Variants in MYCT1 observed in about 807,000 individuals in gnomAD.
MYCT1 encodes the protein MYC target 1.
Under a neutral mutation model 15.0 loss-of-function variants are expected in MYCT1, and 12 were observed. The observed-to-expected ratio is 0.80, with a 90% CI of 0.51 to 1.29. The LOEUF (loss-of-function observed/expected upper bound fraction) is 1.29. Among genes scored for constraint, MYCT1 ranks in the 50% most tolerant of loss-of-function variants. The probability of loss-of-function intolerance (pLI) is 0.00; values close to 1 mark genes in which losing one functional copy is unlikely to be tolerated. For missense variants in MYCT1, 287 were observed against 279.1 expected (o/e 1.03, Z -0.20); for synonymous variants, 104 against 102.7 (o/e 1.01, Z -0.07).
At chr6:152,707,281 C>CACA (rs1319494958) in intron 1 of MYCT1, among the ~76,000 whole-genome samples, 1 of 151,930 alleles carries the variant, frequency 6.6e-6, no homozygotes, top group Non-Finnish European at 1.5e-5. Flanking sequence ...TTTCATCTAC[C>CACA]TATTGGTCAT....
chr6:152,745,891 A>G, the MYCT1 span, among the ~76,000 whole-genome samples: 1 of 152,038 alleles, frequency 6.6e-6, no homozygotes, highest in Non-Finnish European at 1.5e-5. Context: ...TTTCTCCATG[A>G]TTTGCTTTGT....
the MYCT1 span, among the ~76,000 whole-genome samples, chr6:152,747,064 A>G: frequency 1.3e-5 from 2 of 152,108 alleles, no homozygotes; most frequent in Non-Finnish European, 2.9e-5. Context: ...ATATGACAAG[A>G]ATACAAAATC....
chr6:152,714,487 T>C (rs952866085), intron 1 of MYCT1, among the ~76,000 whole-genome samples: 10 of 151,432 alleles, frequency 6.6e-5, no homozygotes, highest in African/African-American at 2.4e-4. Flanking sequence ...AATGTTCTTA[T>C]GAATGTGGCT....
the MYCT1 span, among the ~76,000 whole-genome samples, chr6:152,742,403 C>G: frequency 1.3e-5 from 2 of 152,228 alleles, no homozygotes; most frequent in African/African-American, 4.8e-5. Context: ...GAAAGTTGTT[C>G]CACGTGGCTG....
intron 1 of MYCT1, among the ~76,000 whole-genome samples, chr6:152,716,031 A>G (rs2099723614): frequency 6.6e-6 from 1 of 152,200 alleles, no homozygotes. Context: ...TGACTACTGC[A>G]TTGAGCACAT....
the MYCT1 span, among the ~76,000 whole-genome samples, chr6:152,733,409 G>A: frequency 1.3e-5 from 2 of 152,018 alleles, no homozygotes; most frequent in Non-Finnish European, 1.5e-5. Context: ...GGCCTTCCAC[G>A]GTTTTCTTAA....
chr6:152,747,129 C>A, the MYCT1 span, among the ~76,000 whole-genome samples: 1 of 151,578 alleles, frequency 6.6e-6, no homozygotes, highest in Non-Finnish European at 1.5e-5. Context: ...TTTATATATA[C>A]TCTAATATAG....
chr6:152,699,601 G>A (rs2099720977), intron 1 of MYCT1, among the ~76,000 whole-genome samples: 1 of 152,050 alleles, frequency 6.6e-6, no homozygotes, highest in African/African-American at 2.4e-5. Context: ...CACTGAAAAA[G>A]AGCTAGAGTC....
In MYCT1 at chr6:152,708,865, T is replaced by A. The variant is rs1234671292; in HGVS notation, c.196+10767T>A. 4.4e-4 allele frequency among the ~76,000 whole-genome samples: 7 copies of A among 16,000 alleles called. 2 individuals are homozygous for A. The highest frequency in any genetic ancestry group is 2.8e-3 in the Admixed American group (2 of 716). 10.5% of individuals were successfully genotyped at this position (16,000 alleles called of 152,430 possible). A position where few individuals can be genotyped will look rare whatever the true frequency, so the allele number is the denominator to read the frequency against. On this transcript the variant is annotated intron_variant, in intron 1 of 1. Transcript: ENST00000367245. ...GAAAGAGTATTTATTTTTTTATTTTTTTTTTTATTATACTCTAAGTTTTAG... is the reference window on the plus strand; with the variant it reads ...GAAAGAGTATTTATTTTTTTATTTTATTTTTTATTATACTCTAAGTTTTAG...
At chr6:152,738,209 T>C in the MYCT1 span, among the ~76,000 whole-genome samples, 1 of 152,158 alleles carries the variant, frequency 6.6e-6, no homozygotes, top group East Asian at 1.9e-4. Context: ...TTAACAACTA[T>C]CATAGACATA....
the MYCT1 span, among the ~76,000 whole-genome samples, chr6:152,740,886 A>T: frequency 6.6e-6 from 1 of 152,200 alleles, no homozygotes; most frequent in Non-Finnish European, 1.5e-5. Flanking sequence ...ATTAATTTTG[A>T]AAGGTCTTTA....
chr6:152,705,922 T>C, intron 1 of MYCT1: 1 of 767,468 alleles, frequency 1.3e-6, no homozygotes, highest in Middle Eastern at 2.4e-4. Flanking sequence ...TACGATGCTA[T>C]GGTCAGAGAT....
chr6:152,718,234 G>A (rs1367785963), intron 1 of MYCT1, among the ~76,000 whole-genome samples: 1 of 152,080 alleles, frequency 6.6e-6, no homozygotes, highest in African/African-American at 2.4e-5. Context: ...TAAGAAAATT[G>A]TGATGGTCCA....
chr6:152,703,644 T>C (rs931482869), intron 1 of MYCT1, among the ~76,000 whole-genome samples: 1 of 152,134 alleles, frequency 6.6e-6, no homozygotes, highest in African/African-American at 2.4e-5. Context: ...CAATGAAACA[T>C]ATAAGGTGCA....
At chr6:152,706,126 T>C (rs1279532877) in intron 1 of MYCT1, 2 of 1,499,098 alleles carry the variant, frequency 1.3e-6, no homozygotes, top group Admixed American at 3.4e-5. Flanking sequence ...TGGCATGTTC[T>C]AACTCCTAGA....
the MYCT1 span, among the ~76,000 whole-genome samples, chr6:152,731,330 AATAG>A: frequency 6.6e-6 from 1 of 152,338 alleles, no homozygotes; most frequent in South Asian, 2.1e-4. Context: ...TTGCTAATCT[AATAG>A]ATTGTACATG....
At chr6:152,726,969 C>T (rs1200816376), downstream of MYCT1, among the ~76,000 whole-genome samples, 1 of 152,118 alleles carries the variant, frequency 6.6e-6, no homozygotes, top group Non-Finnish European at 1.5e-5. Flanking sequence ...CGCGGTGGCT[C>T]ATGCCTGTAA....
intron 1 of MYCT1, among the ~76,000 whole-genome samples, chr6:152,713,737 T>C (rs991694866): frequency 2.0e-5 from 3 of 152,156 alleles, no homozygotes; most frequent in Admixed American, 1.3e-4. Flanking sequence ...GGGATTCTCC[T>C]CTCTGGCTTT....
At chr6:152,740,978 A>G in the MYCT1 span, among the ~76,000 whole-genome samples, 1 of 152,150 alleles carries the variant, frequency 6.6e-6, no homozygotes, top group Non-Finnish European at 1.5e-5. Context: ...TTCCTGTGAT[A>G]AATGTATACG....
Sources: gnomAD v4.1 joint callset for allele counts (sites outside exome capture counted in the v4.1 genomes callset) on GRCh38, gnomAD v4.1.1 for gene constraint, MANE v1.5 for transcripts, NCBI Gene and HGNC (gene_info 2026-07-23, HGNC 2026-07-21) for gene names.